RPRD1A: variants seen among roughly 807,000 people sequenced by gnomAD.
RPRD1A encodes the protein regulation of nuclear pre-mRNA domain-containing protein 1A.
In RPRD1A, 9 loss-of-function variants were observed where a neutral mutation model predicts 37.8. That is an observed-to-expected ratio of 0.24 (90% CI 0.14 to 0.42). RPRD1A has a LOEUF of 0.42. Among genes scored for constraint, RPRD1A ranks in the 10% least tolerant of loss-of-function variants. The pLI is 1.00. For synonymous variants in RPRD1A, 138 were observed against 139.7 expected, an observed-to-expected ratio of 0.99 and a Z score of 0.08; for missense variants, 255 against 371.0, an observed-to-expected ratio of 0.69 and a Z score of 2.57.
intron 1 of RPRD1A, among the ~76,000 whole-genome samples, chr18:36,054,981 G>A (rs1376189674): frequency 6.6e-6 from 1 of 152,162 alleles, no homozygotes; most frequent in Non-Finnish European, 1.5e-5. Flanking sequence ...ACTTACACTA[G>A]GGAGGGCATC....
chr18:35,995,261 GTTTTTTT>G (rs1232555714), intron 6 of RPRD1A, among the ~76,000 whole-genome samples: 1 of 109,210 alleles, frequency 9.2e-6, no homozygotes, highest in Non-Finnish European at 1.9e-5. Context: ...GCTTTTTTTC[GTTTTTTT>G]TTTTTTTTTT....
At position 36,044,001 on chromosome 18, in the gene RPRD1A, A is replaced by G. The variant is rs565430486; in HGVS notation, c.152-10164T>C. 2.6e-5 allele frequency among the ~76,000 whole-genome samples: 4 copies of G among 152,366 alleles called. No homozygotes were observed. The East Asian group carries it at 7.7e-4, about 29-fold the overall frequency. On this transcript the variant is annotated intron_variant, in intron 1 of 6. Coordinates refer to ENST00000399022, the MANE Select transcript of RPRD1A (RefSeq NM_018170.5). Reference sequence around the variant, plus strand: ...ACATATTTTGTATGTTATATAAACTATATACTGTATTCTGACACTAAAGTA... The same window carrying G: ...ACATATTTTGTATGTTATATAAACTGTATACTGTATTCTGACACTAAAGTA...
chr18:36,060,787 AG>A (rs1383436936), intron 1 of RPRD1A, among the ~76,000 whole-genome samples: 1 of 152,162 alleles, frequency 6.6e-6, no homozygotes, highest in African/African-American at 2.4e-5. Context: ...TACAAATAGG[AG>A]GAAAATCTAA....
At chr18:36,034,831 C>A (rs1470910891) in intron 1 of RPRD1A, among the ~76,000 whole-genome samples, 2 of 152,266 alleles carry the variant, frequency 1.3e-5, no homozygotes, top group African/African-American at 4.8e-5. Flanking sequence ...CAAATTTAAG[C>A]ATTTGACATA....
intron 1 of RPRD1A, among the ~76,000 whole-genome samples, chr18:36,060,105 T>A (rs935549622): frequency 1.3e-5 from 2 of 152,204 alleles, no homozygotes; most frequent in African/African-American, 4.8e-5. Context: ...ATTTTTAGGA[T>A]TTATATTGCT....
At chr18:36,051,542 C>G (rs1177362177) in intron 1 of RPRD1A, among the ~76,000 whole-genome samples, 1 of 152,056 alleles carries the variant, frequency 6.6e-6, no homozygotes, top group African/African-American at 2.4e-5. Flanking sequence ...ATACCCCTTC[C>G]AATTCTAAAA....
intron 6 of RPRD1A, among the ~76,000 whole-genome samples, chr18:36,008,275 T>C (rs569104856): frequency 6.6e-6 from 1 of 152,078 alleles, no homozygotes; most frequent in East Asian, 1.9e-4. Flanking sequence ...TCAATAACTG[T>C]AATTTTAAAA....
At chr18:36,023,150 T>C (rs1468741634) in intron 6 of RPRD1A, among the ~76,000 whole-genome samples, 1 of 152,244 alleles carries the variant, frequency 6.6e-6, no homozygotes, top group Non-Finnish European at 1.5e-5. Flanking sequence ...ATAGCTGCCA[T>C]AGTCATTCCT....
At chr18:36,039,706 A>G (rs984421716) in intron 1 of RPRD1A, among the ~76,000 whole-genome samples, 1 of 152,212 alleles carries the variant, frequency 6.6e-6, no homozygotes, top group Non-Finnish European at 1.5e-5. Flanking sequence ...TGGTTTATGA[A>G]GACTGAATTT....
At chr18:36,037,257 G>C (rs911878056) in intron 1 of RPRD1A, among the ~76,000 whole-genome samples, 1 of 150,100 alleles carries the variant, frequency 6.7e-6, no homozygotes, top group Non-Finnish European at 1.5e-5. Context: ...CATGTCATAG[G>C]AGGAACCAGG....
chr18:36,053,740 C>G (rs1214780039), intron 1 of RPRD1A, among the ~76,000 whole-genome samples: 2 of 151,974 alleles, frequency 1.3e-5, no homozygotes, highest in East Asian at 3.8e-4. Context: ...AGGAGGACAG[C>G]TAGTAGGTAA....
intron 6 of RPRD1A, chr18:36,025,557 GTCTTC>G (rs1469813332): frequency 4.1e-6 from 4 of 978,900 alleles, no homozygotes; most frequent in Admixed American, 5.6e-5. Flanking sequence ...TAAAGTTACA[GTCTTC>G]TCTTCAATTT....
chr18:36,052,069 C>T (rs954495431), intron 1 of RPRD1A, among the ~76,000 whole-genome samples: 1 of 150,690 alleles, frequency 6.6e-6, no homozygotes, highest in African/African-American at 2.4e-5. Flanking sequence ...TTGAAAGCAG[C>T]AAGGAGTCTC....
intron 1 of RPRD1A, among the ~76,000 whole-genome samples, chr18:36,043,053 T>G: frequency 6.6e-6 from 1 of 152,048 alleles, no homozygotes; most frequent in East Asian, 1.9e-4. Flanking sequence ...ATCCATACAA[T>G]CTACACAATA....
chr18:36,047,663 C>A (rs1026648647), intron 1 of RPRD1A, among the ~76,000 whole-genome samples: 2 of 152,066 alleles, frequency 1.3e-5, no homozygotes, highest in African/African-American at 4.8e-5. Context: ...ACCCTACAGG[C>A]ATCCAAAGGA....
intron 2 of RPRD1A, among the ~76,000 whole-genome samples, chr18:36,031,630 G>C (rs1911796717): frequency 6.6e-6 from 1 of 152,080 alleles, no homozygotes; most frequent in African/African-American, 2.4e-5. Context: ...TAGACATATG[G>C]GGAAATGAAA....
chr18:36,039,903 T>G (rs1413412832), intron 1 of RPRD1A, among the ~76,000 whole-genome samples: 1 of 151,972 alleles, frequency 6.6e-6, no homozygotes, highest in African/African-American at 2.4e-5. Flanking sequence ...CAGAAATATA[T>G]GCACATGTAC....
chr18:36,007,269 C>G (rs17648406), intron 6 of RPRD1A, among the ~76,000 whole-genome samples: 3,609 of 152,228 alleles, frequency 0.024, 72 homozygotes, highest in Admixed American at 0.059. Flanking sequence ...AACTAGCAAG[C>G]AGGTCAGAAC....
At chr18:36,025,619 T>C (rs1911311733) in intron 6 of RPRD1A, 10 of 1,287,724 alleles carry the variant, frequency 7.8e-6, no homozygotes, top group Non-Finnish European at 1.0e-5. Context: ...TATTTATTTT[T>C]AGCAGGAAGA....
Sources: allele counts gnomAD v4.1 joint callset (sites outside exome capture counted in the v4.1 genomes callset), GRCh38; gene constraint gnomAD v4.1.1; transcripts MANE v1.5; gene names NCBI Gene and HGNC (gene_info 2026-07-23, HGNC 2026-07-21).